Variants in FOCAD observed in about 807,000 individuals in gnomAD.
FOCAD encodes KIAA1797.
In FOCAD, 198 loss-of-function variants were observed where a neutral mutation model predicts 225.6. The ratio of observed to expected loss-of-function variants is 0.88; its 90% CI spans 0.78 to 0.99. FOCAD has a LOEUF of 0.99. Among genes scored for constraint, FOCAD ranks in the 50% least tolerant of loss-of-function variants. The pLI is 0.00. For synonymous variants in FOCAD, 897 were observed against 755.0 expected, an observed-to-expected ratio of 1.19 and a Z score of -3.08; for missense variants, 2,713 against 2,123.6, an observed-to-expected ratio of 1.28 and a Z score of -5.46.
chr9:20,809,563 A>G (rs1822828349), intron 11 of FOCAD, among the ~76,000 whole-genome samples: 1 of 152,158 alleles, frequency 6.6e-6, no homozygotes, highest in African/African-American at 2.4e-5. Flanking sequence ...ATCAATCATT[A>G]TCTATGCTGT....
chr9:20,865,363 G>T (rs918195558), intron 16 of FOCAD, among the ~76,000 whole-genome samples: 21 of 152,096 alleles, frequency 1.4e-4, no homozygotes, highest in African/African-American at 4.6e-4. Context: ...GGGGCAAAAA[G>T]TTAGATGTGG....
At chr9:20,655,661 C>G (rs1177143933), upstream of FOCAD, among the ~76,000 whole-genome samples, 1 of 152,154 alleles carries the variant, frequency 6.6e-6, no homozygotes, top group African/African-American at 2.4e-5. Context: ...TTAAATTCTT[C>G]TCTCTTTTTT....
At chr9:20,829,681 G>A (rs996114984) in intron 15 of FOCAD, among the ~76,000 whole-genome samples, 3 of 152,050 alleles carry the variant, frequency 2.0e-5, no homozygotes, top group Non-Finnish European at 4.4e-5. Flanking sequence ...AGCTTGGTTT[G>A]TGGGCCTTTC....
chr9:20,789,760 T>G, intron 11 of FOCAD, 152 bp downstream of exon 11: 1 of 942,924 alleles, frequency 1.1e-6, no homozygotes, highest in African/African-American at 1.7e-5. Context: ...TTCCATTTTT[T>G]TCTTCTTTTT....
rs1828867245 is a variant in FOCAD, at chr9:20,862,543, T to C, written c.1921-35T>C. 5 of 1,605,728 alleles carry C rather than the reference T, an allele frequency of 3.1e-6. No homozygotes were observed. In the East Asian group the frequency reaches 1.1e-4, roughly 36 times the overall value. On this transcript the variant is annotated intron_variant, in intron 15 of 43. Coordinates refer to ENST00000338382, the MANE Select transcript of FOCAD (RefSeq NM_001375567.1). ...TAATGGCTTCATATAGGTTGGAGTC[T>C]TGTTAGGTGTTGACCTTTTCTATTT...
At chr9:20,691,322 C>T (rs1467036064) in intron 1 of FOCAD, among the ~76,000 whole-genome samples, 3 of 152,024 alleles carry the variant, frequency 2.0e-5, no homozygotes, top group Non-Finnish European at 4.4e-5. Flanking sequence ...CGTCATTGTC[C>T]CTTTTTAGAC....
At chr9:20,752,299 G>A (rs952769891) in intron 5 of FOCAD, among the ~76,000 whole-genome samples, 46 of 150,632 alleles carry the variant, frequency 3.1e-4, no homozygotes, top group Middle Eastern at 3.4e-3. Flanking sequence ...TAGGTCTAAC[G>A]TTTAAGTCTT....
intron 41 of FOCAD, 27 bp from the exon 42 acceptor site, chr9:20,990,096 C>G: frequency 6.2e-7 from 1 of 1,612,688 alleles, no homozygotes; most frequent in Non-Finnish European, 8.5e-7. Flanking sequence ...AAAATATGAC[C>G]TAACGTCATT....
intron 4 of FOCAD, among the ~76,000 whole-genome samples, chr9:20,737,832 A>T (rs1399471372): frequency 6.6e-6 from 1 of 152,214 alleles, no homozygotes; most frequent in African/African-American, 2.4e-5. Flanking sequence ...TATTTGGAGG[A>T]GTCAGATCCC....
At chr9:20,716,231 G>T in intron 2 of FOCAD, 2 of 399,582 alleles carry the variant, frequency 5.0e-6, no homozygotes, top group South Asian at 2.1e-5. Flanking sequence ...GAAGATGAAG[G>T]CTTGGAGGAT....
At chr9:20,788,461 C>G (rs1457013108) in intron 10 of FOCAD, among the ~76,000 whole-genome samples, 1 of 152,100 alleles carries the variant, frequency 6.6e-6, no homozygotes, top group Non-Finnish European at 1.5e-5. Flanking sequence ...TTATAGTATG[C>G]AAATTATATC....
At chr9:20,723,899 CA>C (rs1825993076) in intron 4 of FOCAD, among the ~76,000 whole-genome samples, 2 of 151,974 alleles carry the variant, frequency 1.3e-5, no homozygotes, top group Non-Finnish European at 2.9e-5. Context: ...CTGCTTCTGG[CA>C]AGGGCTTCAG....
chr9:20,808,766 C>T (rs1822733788), intron 11 of FOCAD, among the ~76,000 whole-genome samples: 1 of 152,186 alleles, frequency 6.6e-6, no homozygotes, highest in Non-Finnish European at 1.5e-5. Flanking sequence ...TGAGCCTTTG[C>T]TGGGTGCTGT....
chr9:20,709,506 TAAAA>T (rs33977101), intron 1 of FOCAD, among the ~76,000 whole-genome samples: 3 of 127,912 alleles, frequency 2.3e-5, no homozygotes, highest in Admixed American at 8.0e-5. Context: ...CTCTGTCTCT[TAAAA>T]AAAAAAAAAA....
chr9:20,823,175 G>T, intron 15 of FOCAD, 60 bp downstream of exon 15: 1 of 1,513,852 alleles, frequency 6.6e-7, no homozygotes. Flanking sequence ...AGGCAGAGTG[G>T]GTACAAGAAT....
intron 21 of FOCAD, among the ~76,000 whole-genome samples, chr9:20,901,152 C>A (rs1021454410): frequency 1.2e-4 from 18 of 150,236 alleles, no homozygotes; most frequent in Admixed American, 3.3e-4. Context: ...GTCTCTAATA[C>A]CAGTTGCAAA....
chr9:20,734,443 G>T (rs1427874242), intron 4 of FOCAD, among the ~76,000 whole-genome samples: 1 of 152,168 alleles, frequency 6.6e-6, no homozygotes, highest in Non-Finnish European at 1.5e-5. Context: ...CCGTTCAAAT[G>T]TATTTTGTTT....
chr9:20,805,745 A>G (rs893717398), intron 11 of FOCAD, among the ~76,000 whole-genome samples: 1 of 152,186 alleles, frequency 6.6e-6, no homozygotes, highest in African/African-American at 2.4e-5. Context: ...ATCTGTTGAA[A>G]TGGGGGTTGG....
At chr9:20,854,226 T>A (rs1313647565) in intron 15 of FOCAD, among the ~76,000 whole-genome samples, 2 of 151,818 alleles carry the variant, frequency 1.3e-5, no homozygotes, top group African/African-American at 4.8e-5. Context: ...TCTCTGTTCC[T>A]CTGCAAAAGA....
Sources: allele counts gnomAD v4.1 joint callset (sites outside exome capture counted in the v4.1 genomes callset), GRCh38; gene constraint gnomAD v4.1.1; transcripts MANE v1.5; gene names NCBI Gene and HGNC (gene_info 2026-07-23, HGNC 2026-07-21).